Variants in PLPP3 observed in about 807,000 individuals in gnomAD.
PLPP3 encodes phospholipid phosphatase 3.
Under a neutral mutation model 29.6 loss-of-function variants are expected in PLPP3, and 6 were observed. The observed-to-expected ratio is 0.20, with a 90% CI of 0.11 to 0.40. PLPP3 has a LOEUF of 0.40. PLPP3 is among the 10% of genes least tolerant of loss of function. The pLI is 1.00. For synonymous variants in PLPP3, 152 were observed against 159.7 expected, an observed-to-expected ratio of 0.95 and a Z score of 0.36; for missense variants, 308 against 407.7, an observed-to-expected ratio of 0.76 and a Z score of 2.11.
chr1:56,532,854 A>G (rs1167255005), intron 2 of PLPP3, among the ~76,000 whole-genome samples: 4 of 152,108 alleles, frequency 2.6e-5, no homozygotes, highest in Non-Finnish European at 5.9e-5. Context: ...GCCAAGAAAT[A>G]TACAAGTAAA....
intron 2 of PLPP3, among the ~76,000 whole-genome samples, chr1:56,533,958 A>G (rs1645907465): frequency 6.6e-6 from 1 of 152,206 alleles, no homozygotes; most frequent in Non-Finnish European, 1.5e-5. Context: ...GGCTAGGGAG[A>G]GAAGGAGATT....
chr1:56,512,927 A>G (rs1569869264), intron 4 of PLPP3: 1 of 152,192 alleles, frequency 6.6e-6, no homozygotes, highest in East Asian at 1.9e-4. Context: ...TTACGGCTAT[A>G]TAATCCCTAC....
intron 5 of PLPP3, among the ~76,000 whole-genome samples, chr1:56,507,765 T>C (rs577878102): frequency 3.3e-5 from 5 of 152,156 alleles, no homozygotes; most frequent in South Asian, 4.2e-4. Flanking sequence ...ATCAAGGTGG[T>C]CCCAGCATCT....
chr1:56,557,373 T>C (rs1646092362), intron 1 of PLPP3, among the ~76,000 whole-genome samples: 1 of 151,242 alleles, frequency 6.6e-6, no homozygotes, highest in South Asian at 2.1e-4. Context: ...CGAGACTCCT[T>C]CTCAAAAGAA....
At chr1:56,550,498 G>T (rs1351244098) in intron 1 of PLPP3, among the ~76,000 whole-genome samples, 1 of 152,146 alleles carries the variant, frequency 6.6e-6, no homozygotes, top group African/African-American at 2.4e-5. Context: ...GGGACAGAAT[G>T]TCTAGAGTCC....
intron 1 of PLPP3, among the ~76,000 whole-genome samples, chr1:56,566,906 C>A (rs1646165315): frequency 6.6e-6 from 1 of 152,168 alleles, no homozygotes. Context: ...AAGATGACAA[C>A]TACACATACA....
intron 5 of PLPP3, among the ~76,000 whole-genome samples, chr1:56,511,534 C>T (rs2100232166): frequency 6.6e-6 from 1 of 152,174 alleles, no homozygotes; most frequent in South Asian, 2.1e-4. Flanking sequence ...GTACTGTGTC[C>T]ACCAAAACAG....
chr1:56,510,571 G>A (rs1410112434), intron 5 of PLPP3, among the ~76,000 whole-genome samples: 2 of 152,206 alleles, frequency 1.3e-5, no homozygotes, highest in African/African-American at 4.8e-5. Context: ...CCCTACACAT[G>A]TCACTATGAC....
intron 1 of PLPP3, among the ~76,000 whole-genome samples, chr1:56,542,318 AC>A (rs1281318427): frequency 6.6e-6 from 1 of 152,146 alleles, no homozygotes; most frequent in Non-Finnish European, 1.5e-5. Context: ...TACCCAAGTG[AC>A]CTGGCCCCAA....
chr1:56,501,294 C>T (rs1480640403), intron 5 of PLPP3, among the ~76,000 whole-genome samples: 3 of 152,038 alleles, frequency 2.0e-5, no homozygotes, highest in Non-Finnish European at 4.4e-5. Context: ...CACTTATTCC[C>T]ATAAAAACTC....
rs1645841811 is a variant in PLPP3, at chr1:56,524,671, AT to A, written c.298-118del. The A allele has an allele frequency of 3.4e-6, 4 of 1,167,402 alleles. No homozygotes were observed. Among genetic ancestry groups the A allele is most frequent in the South Asian group, 3.2e-5 (2 of 63,130 alleles). The allele number at this position is 1,167,402 out of a possible 1,614,324, so 72.3% of individuals were successfully genotyped here. On this transcript the variant is annotated intron_variant, in intron 2 of 5. Transcript: ENST00000371250. The surrounding 1 kb of genome is among the most constrained non-coding windows in gnomAD (Gnocchi z 4.3). The stretch of plus-strand genomic sequence containing the variant: ...TCAGTATTTGCAAAGGAGTGTCCTA[AT>A]TTTCTATTTATGAAATATACAGACA...
chr1:56,556,878 T>C (rs934617734), intron 1 of PLPP3, among the ~76,000 whole-genome samples: 2 of 125,874 alleles, frequency 1.6e-5, no homozygotes, highest in Non-Finnish European at 3.2e-5. Flanking sequence ...CTGGCCAACA[T>C]AGTGAGAGAA....
intron 2 of PLPP3, among the ~76,000 whole-genome samples, chr1:56,532,393 G>GA (rs1252272980): frequency 6.6e-6 from 1 of 151,950 alleles, no homozygotes; most frequent in Non-Finnish European, 1.5e-5. Context: ...TTTCAGAGTT[G>GA]AAAACTCGAC....
intron 1 of PLPP3, among the ~76,000 whole-genome samples, chr1:56,557,547 C>T (rs953922414): frequency 3.9e-5 from 6 of 152,090 alleles, no homozygotes; most frequent in Admixed American, 6.6e-5. Context: ...AGTTGATACA[C>T]GTATAATTAA....
intron 5 of PLPP3, among the ~76,000 whole-genome samples, chr1:56,507,797 A>C (rs557248913): frequency 5.8e-4 from 88 of 152,342 alleles, no homozygotes; most frequent in African/African-American, 1.9e-3. Flanking sequence ...AGGCAAAAGG[A>C]CAAAAGTCAC....
intron 1 of PLPP3, among the ~76,000 whole-genome samples, chr1:56,541,480 C>T: frequency 6.6e-6 from 1 of 152,144 alleles, no homozygotes; most frequent in Non-Finnish European, 1.5e-5. Context: ...AACCTGGCTG[C>T]CTACCACAGT....
chr1:56,559,536 G>C (rs1646107002), intron 1 of PLPP3, among the ~76,000 whole-genome samples: 1 of 149,032 alleles, frequency 6.7e-6, no homozygotes, highest in African/African-American at 2.5e-5. Context: ...ACAGGTGTGA[G>C]CCACCACCCC....
At chr1:56,535,854 C>A (rs1027457824) in intron 2 of PLPP3, among the ~76,000 whole-genome samples, 2 of 152,180 alleles carry the variant, frequency 1.3e-5, no homozygotes, top group South Asian at 4.1e-4. Flanking sequence ...GAGTGCAATT[C>A]CAGGCATTAT....
chr1:56,543,331 A>G (rs777153537), intron 1 of PLPP3, among the ~76,000 whole-genome samples: 5 of 152,228 alleles, frequency 3.3e-5, no homozygotes, highest in Non-Finnish European at 7.3e-5. Flanking sequence ...CAGAAGTTTT[A>G]TAACTGGTAC....
Sources: allele counts gnomAD v4.1 joint callset (sites outside exome capture counted in the v4.1 genomes callset), GRCh38; gene constraint gnomAD v4.1.1; non-coding constraint Gnocchi (gnomAD v3.1); transcripts MANE v1.5; gene names NCBI Gene and HGNC (gene_info 2026-07-23, HGNC 2026-07-21).